Variants in APP observed in about 807,000 individuals in gnomAD.
The protein encoded by APP is amyloid beta precursor protein.
In APP, 31 loss-of-function variants were observed where a neutral mutation model predicts 101.4. That is an observed-to-expected ratio of 0.31 (90% confidence interval 0.23 to 0.41). The LOEUF is 0.41. Ranked by LOEUF, APP falls within the 10% of genes least tolerant of loss-of-function variation. The pLI is 1.00. For missense variants in APP, 839 were observed against 1,003.7 expected, an observed-to-expected ratio of 0.84 and a Z score of 2.22; for synonymous variants, 366 against 364.4, an observed-to-expected ratio of 1.00 and a Z score of -0.05.
chr21:25,982,461 G>A lies in APP; in HGVS notation c.1107C>T (p.Ala369=). 6.2e-7 allele frequency: 1 copy of A among 1,613,790 alleles called. No homozygotes were observed. The highest frequency in any genetic ancestry group is 8.5e-7 in the Non-Finnish European group (1 of 1,179,820). ...RDPVKLPTTA[A]STPDAVDKYL... is the part of the protein sequence containing the mutation. ...ACTTGTCAACGGCATCAGGGGTACTGGCTGCTGTTGTAGGAACTATAAAGT... is the reference window on the plus strand; with the variant it reads ...ACTTGTCAACGGCATCAGGGGTACTAGCTGCTGTTGTAGGAACTATAAAGT... Residue 369 remains alanine (A), a synonymous_variant, in exon 9 of 18, where the codon GCC becomes GCT. Coordinates refer to ENST00000346798, the MANE Select transcript of APP (RefSeq NM_000484.4).
intron 11 of APP, among the ~76,000 whole-genome samples, chr21:25,963,573 C>A (rs184189022): frequency 2.9e-3 from 449 of 152,278 alleles, no homozygotes; most frequent in Non-Finnish European, 4.6e-3. Context: ...CAAAACTGAA[C>A]AAAGCAATTC....
At chr21:26,070,673 C>T (rs2061394062) in intron 3 of APP, among the ~76,000 whole-genome samples, 1 of 151,930 alleles carries the variant, frequency 6.6e-6, no homozygotes, top group Non-Finnish European at 1.5e-5. Flanking sequence ...TATAGATAAC[C>T]AAAAAACCAA....
chr21:25,968,651 T>C (rs2041888203), intron 11 of APP, among the ~76,000 whole-genome samples: 1 of 152,178 alleles, frequency 6.6e-6, no homozygotes, highest in Non-Finnish European at 1.5e-5. Flanking sequence ...CAAGGAATTC[T>C]AGCTGCACAA....
At chr21:26,071,494 C>T (rs891748229) in intron 3 of APP, among the ~76,000 whole-genome samples, 2 of 152,172 alleles carry the variant, frequency 1.3e-5, no homozygotes, top group African/African-American at 4.8e-5. Context: ...AGATAGCTCC[C>T]ATTTTATATT....
At chr21:26,061,033 G>A (rs1029802618) in intron 3 of APP, among the ~76,000 whole-genome samples, 2 of 152,202 alleles carry the variant, frequency 1.3e-5, no homozygotes, top group African/African-American at 4.8e-5. Flanking sequence ...GTCAAGACTA[G>A]AAGTGAGAAG....
At chr21:26,020,682 T>A (rs1439902211) in intron 6 of APP, among the ~76,000 whole-genome samples, 1 of 152,178 alleles carries the variant, frequency 6.6e-6, no homozygotes, top group Non-Finnish European at 1.5e-5. Flanking sequence ...TCAATCTAGC[T>A]CTAGAAGCAT....
At chr21:25,961,791 G>C (rs1413325837) in intron 11 of APP, among the ~76,000 whole-genome samples, 1 of 152,066 alleles carries the variant, frequency 6.6e-6, no homozygotes, top group Admixed American at 6.6e-5. Context: ...TAAAGTAATT[G>C]CTATTACTAT....
In APP at chr21:26,087,306, GA is replaced by G. The variant is rs1205647446; in HGVS notation, c.355+2636del. ...TTAGGGTCTAATTTCAGGTCCAATG[GA>G]AAAGGACCAGTGATTCATAAAATGA... On this transcript the variant is annotated intron_variant, in intron 3 of 17. Transcript: ENST00000346798. Among the ~76,000 whole-genome samples, 8 of 152,134 alleles carry G rather than the reference GA, an allele frequency of 5.3e-5. 1 individual carries two copies. The South Asian group carries it at 1.7e-3, about 32-fold the overall frequency.
intron 3 of APP, among the ~76,000 whole-genome samples, chr21:26,054,722 C>T (rs2045974675): frequency 6.8e-6 from 1 of 147,112 alleles, no homozygotes. Context: ...CCAAGTAGGT[C>T]ACTGTGGTCC....
intron 2 of APP, among the ~76,000 whole-genome samples, chr21:26,110,317 G>A (rs1425757980): frequency 1.3e-5 from 2 of 152,020 alleles, no homozygotes; most frequent in African/African-American, 2.4e-5. Flanking sequence ...GTGGTGGCGG[G>A]TGCCTATAGT....
intron 8 of APP, among the ~76,000 whole-genome samples, chr21:25,990,302 A>AT (rs560108955): frequency 2.6e-4 from 39 of 152,164 alleles, no homozygotes; most frequent in Non-Finnish European, 5.0e-4. Context: ...TGACATGGGA[A>AT]TTTTTTCAAA....
At position 25,891,746 on chromosome 21, in the gene APP, T is replaced by A. The variant is rs1228482291; in HGVS notation, c.2187A>T (p.Thr729=). The change falls in exon 17 of 18, where the codon ACA becomes ACT. Residue 729 remains threonine (T), a synonymous_variant. Coordinates refer to ENST00000346798, the MANE Select transcript of APP (RefSeq NM_000484.4). ...CCTCCACCACACCATGATGAATGGA[T>A]GTGTACTGTTTCTTCTTCAGCATCA... ...TLVMLKKKQY[T]SIHHGVVEVD... 1 of 1,614,056 alleles carries A rather than the reference T, an allele frequency of 6.2e-7. No individual in the cohort carries two copies. The highest frequency in any genetic ancestry group is 8.5e-7 in the Non-Finnish European group (1 of 1,180,018).
At chr21:25,999,610 AG>A (rs1278096877) in intron 7 of APP, among the ~76,000 whole-genome samples, 2 of 152,380 alleles carry the variant, frequency 1.3e-5, no homozygotes, top group African/African-American at 4.8e-5. Flanking sequence ...AGTGGTAGAC[AG>A]TATCTGCACA....
At chr21:25,904,758 A>G (rs1055457399) in intron 15 of APP, among the ~76,000 whole-genome samples, 1 of 152,054 alleles carries the variant, frequency 6.6e-6, no homozygotes, top group Non-Finnish European at 1.5e-5. Flanking sequence ...GAAAAAAGAA[A>G]AAAAAAAACC....
chr21:25,955,848 G>C (rs1410568608), intron 11 of APP, 93 bp from the exon 12 acceptor site: 1 of 1,581,058 alleles, frequency 6.3e-7, no homozygotes, highest in Admixed American at 1.7e-5. Context: ...TAATGCATCC[G>C]GTCATGTGAA....
chr21:26,088,089 G>A (rs541219018), intron 3 of APP, among the ~76,000 whole-genome samples: 40 of 151,982 alleles, frequency 2.6e-4, no homozygotes, highest in African/African-American at 9.4e-4. Context: ...TTCCCACCTC[G>A]GCCTCTTACA....
chr21:25,979,886 A>G (rs2042362977), intron 9 of APP, among the ~76,000 whole-genome samples: 1 of 164 alleles, frequency 6.1e-3, no homozygotes. Flanking sequence ...CAAGGTTTCT[A>G]TCCAGCTTGG....
chr21:26,022,051 G>T lies in APP; in HGVS notation c.663-9C>A, dbSNP rs199587668. On this transcript the variant is annotated splice_polypyrimidine_tract_variant and intron_variant, in intron 5 of 17. Transcript: ENST00000346798. ...CTACTACTTTGTCTTCACTGTGAAGGCAAACACAAATAACAGAAAAAGTCA... is the reference window on the plus strand; with the variant it reads ...CTACTACTTTGTCTTCACTGTGAAGTCAAACACAAATAACAGAAAAAGTCA... 636 of 1,611,684 alleles carry T rather than the reference G, an allele frequency of 3.9e-4. 4 individuals carry two copies. Among genetic ancestry groups the T allele is most frequent in the South Asian group, 9.3e-4 (85 of 91,020 alleles).
intron 13 of APP, among the ~76,000 whole-genome samples, chr21:25,925,928 C>G (rs1309527848): frequency 6.6e-6 from 1 of 152,192 alleles, no homozygotes; most frequent in East Asian, 1.9e-4. Context: ...CAGAGCAAGG[C>G]TCTGTCTCAC....
Sources: allele counts gnomAD v4.1 joint callset (sites outside exome capture counted in the v4.1 genomes callset), GRCh38; gene constraint gnomAD v4.1.1; transcripts MANE v1.5; gene names NCBI Gene and HGNC (gene_info 2026-07-23, HGNC 2026-07-21).